The following TENM4 variants were observed in gnomAD, a reference collection of about 807,000 sequenced individuals.
TENM4 encodes teneurin-4.
A neutral mutation model predicts 243.3 loss-of-function variants in TENM4; 82 were observed. The ratio of observed to expected loss-of-function variants is 0.34; its 90% CI spans 0.28 to 0.40. The LOEUF (loss-of-function observed/expected upper bound fraction) is 0.40. TENM4 is among the 10% of genes least tolerant of loss of function. The probability of loss-of-function intolerance (pLI) is 1.00; values close to 1 mark genes in which losing one functional copy is unlikely to be tolerated. For synonymous variants in TENM4, 1,412 were observed against 1,456.3 expected, an observed-to-expected ratio of 0.97 and a Z score of 0.69; for missense variants, 3,138 against 3,673.3, an observed-to-expected ratio of 0.85 and a Z score of 3.77.
chr11:79,395,867 T>C (rs1286370235), intron 1 of TENM4, among the ~76,000 whole-genome samples: 3 of 152,214 alleles, frequency 2.0e-5, no homozygotes, highest in African/African-American at 7.2e-5. Flanking sequence ...GATACAGAGA[T>C]AAGTAAGACA....
intron 1 of TENM4, among the ~76,000 whole-genome samples, chr11:79,309,840 TCA>T (rs370198840): frequency 2.8e-4 from 43 of 152,188 alleles, no homozygotes; most frequent in African/African-American, 9.9e-4. Flanking sequence ...ACAAATCCAC[TCA>T]CAGTTTCCAG....
chr11:78,757,030 G>GT lies in TENM4; in HGVS notation c.2540-10dup. 6.2e-7 allele frequency: 1 copy of GT among 1,612,642 alleles called. No homozygotes were observed. The highest frequency in any genetic ancestry group is 8.5e-7 in the Non-Finnish European group (1 of 1,179,226). On this transcript the variant is annotated splice_polypyrimidine_tract_variant and intron_variant, in intron 18 of 33. Coordinates refer to ENST00000278550, the MANE Select transcript of TENM4 (RefSeq NM_001098816.3). ...GCAGTCCACCAGGCCATCTGCAGGAGTGACAGAGCATGTGGTTTATATTGC... is the reference window on the plus strand; with the variant it reads ...GCAGTCCACCAGGCCATCTGCAGGAGTTGACAGAGCATGTGGTTTATATTGC...
chr11:78,787,539 T>C (rs989021628), intron 15 of TENM4, among the ~76,000 whole-genome samples: 4 of 152,152 alleles, frequency 2.6e-5, no homozygotes, highest in African/African-American at 9.7e-5. Context: ...GAAGTGCTTG[T>C]GGTCTGGCTG....
intron 12 of TENM4, among the ~76,000 whole-genome samples, chr11:78,838,307 A>G (rs1858165957): frequency 6.6e-6 from 1 of 152,162 alleles, no homozygotes; most frequent in African/African-American, 2.4e-5. Flanking sequence ...AATGTAATAT[A>G]CATATTAACT....
At chr11:78,662,379 C>T (rs920313256) in intron 32 of TENM4, among the ~76,000 whole-genome samples, 19 of 151,830 alleles carry the variant, frequency 1.3e-4, no homozygotes, top group Non-Finnish European at 1.9e-4. Flanking sequence ...TTAGTAGAGA[C>T]GGGGTTTTAC....
At chr11:78,693,144 A>G (rs2135737087) in intron 28 of TENM4, among the ~76,000 whole-genome samples, 1 of 152,306 alleles carries the variant, frequency 6.6e-6, no homozygotes, top group South Asian at 2.1e-4. Flanking sequence ...TTGTTGATTC[A>G]AGACATGGGC....
At chr11:79,383,203 G>T (rs988676657) in intron 1 of TENM4, among the ~76,000 whole-genome samples, 2 of 152,204 alleles carry the variant, frequency 1.3e-5, no homozygotes, top group African/African-American at 2.4e-5. Flanking sequence ...GAGGGGAAGA[G>T]CCTTGCCTCC....
At chr11:78,988,515 C>G (rs1391764385) in intron 6 of TENM4, among the ~76,000 whole-genome samples, 6 of 152,204 alleles carry the variant, frequency 3.9e-5, no homozygotes, top group Admixed American at 1.3e-4. Context: ...GTAAGCAGCT[C>G]TCACTGATGA....
At chr11:79,138,313 A>T (rs1478793098) in intron 4 of TENM4, among the ~76,000 whole-genome samples, 1 of 111,612 alleles carries the variant, frequency 9.0e-6, no homozygotes, top group Non-Finnish European at 1.8e-5. Context: ...ACTCCCCTTT[A>T]TATATATATA....
At chr11:78,845,175 T>C (rs1295994356) in intron 12 of TENM4, among the ~76,000 whole-genome samples, 1 of 152,208 alleles carries the variant, frequency 6.6e-6, no homozygotes, top group East Asian at 1.9e-4. Context: ...GTTCTCCCGA[T>C]TGATTATAGG....
intron 1 of TENM4, among the ~76,000 whole-genome samples, chr11:79,352,995 C>T (rs1260699379): frequency 2.6e-5 from 4 of 152,012 alleles, no homozygotes; most frequent in Non-Finnish European, 4.4e-5. Flanking sequence ...AGACGGATAC[C>T]CTCATTGGCA....
chr11:79,119,103 T>C (rs1408318370), intron 4 of TENM4, among the ~76,000 whole-genome samples: 2 of 152,190 alleles, frequency 1.3e-5, no homozygotes, highest in Non-Finnish European at 2.9e-5. Flanking sequence ...TCAGACATCA[T>C]TCTAGGTCCT....
chr11:79,418,674 TAC>T (rs1858868837), intron 1 of TENM4, among the ~76,000 whole-genome samples: 1 of 152,246 alleles, frequency 6.6e-6, no homozygotes, highest in Non-Finnish European at 1.5e-5. Flanking sequence ...GACCCTTCAG[TAC>T]AGTTAGTTCA....
At chr11:78,763,856 T>G (rs1027956546) in intron 18 of TENM4, among the ~76,000 whole-genome samples, 4 of 152,150 alleles carry the variant, frequency 2.6e-5, no homozygotes, top group Non-Finnish European at 5.9e-5. Flanking sequence ...CAAAAGAAAT[T>G]TGAGTGTCTT....
At chr11:79,320,081 A>C (rs1856862819) in intron 1 of TENM4, among the ~76,000 whole-genome samples, 1 of 152,182 alleles carries the variant, frequency 6.6e-6, no homozygotes, top group Non-Finnish European at 1.5e-5. Flanking sequence ...GAGAGCCCAG[A>C]GCGCATACGC....
At chr11:78,857,407 A>C (rs1858706080) in intron 10 of TENM4, among the ~76,000 whole-genome samples, 1 of 152,020 alleles carries the variant, frequency 6.6e-6, no homozygotes, top group African/African-American at 2.4e-5. Flanking sequence ...GCTTTGTAAG[A>C]CTCCTTACAA....
intron 3 of TENM4, among the ~76,000 whole-genome samples, chr11:79,166,093 G>A (rs1194998528): frequency 1.3e-5 from 2 of 152,148 alleles, no homozygotes; most frequent in Non-Finnish European, 2.9e-5. Flanking sequence ...CCCAGAGCAG[G>A]TTCTACTGCA....
intron 5 of TENM4, 69 bp from the exon 6 acceptor site, chr11:79,065,076 C>T (rs918414314): frequency 7.0e-7 from 1 of 1,427,660 alleles, no homozygotes; most frequent in South Asian, 1.6e-5. Flanking sequence ...CTGCCTGAAG[C>T]CTGGCCTTCT....
intron 2 of TENM4, among the ~76,000 whole-genome samples, chr11:79,281,842 A>T (rs1354460935): frequency 2.6e-5 from 4 of 152,230 alleles, no homozygotes; most frequent in African/African-American, 4.8e-5. Context: ...TTCACAAAGC[A>T]GGTCCTTTAA....
Sources: gnomAD v4.1 joint callset for allele counts (sites outside exome capture counted in the v4.1 genomes callset) on GRCh38, gnomAD v4.1.1 for gene constraint, MANE v1.5 for transcripts, NCBI Gene and HGNC (gene_info 2026-07-23, HGNC 2026-07-21) for gene names.